The following DRGX variants were observed in gnomAD, a reference collection of about 807,000 sequenced individuals.
DRGX encodes dorsal root ganglia homeobox.
A neutral mutation model predicts 28.6 loss-of-function variants in DRGX; 21 were observed. The ratio of observed to expected loss-of-function variants is 0.73; its 90% confidence interval spans 0.52 to 1.06. The LOEUF is 1.06. Ranked by LOEUF, DRGX falls within the 50% of genes least tolerant of loss-of-function variation. The pLI is 0.00. For synonymous variants in DRGX, 136 were observed against 139.1 expected (o/e 0.98, Z 0.16); for missense variants, 354 against 343.9 (o/e 1.03, Z -0.23).
chr10:49,386,853 C>A lies in DRGX; in HGVS notation c.240G>T (p.Trp80Cys). 6.5e-7 allele frequency: 1 copy of A among 1,549,616 alleles called. No individual in the cohort carries two copies. Among genetic ancestry groups the A allele is most frequent in the Non-Finnish European group, 8.7e-7 (1 of 1,152,938 alleles). Residue 80 changes from tryptophan (W) to cysteine (C), a missense_variant, in exon 5 of 7, where the codon TGG becomes TGT. By Grantham distance (215) the Trp-to-Cys change is radical. Coordinates refer to ENST00000374139, the MANE Select transcript of DRGX (RefSeq NM_001276451.2). The part of the protein sequence containing the change: ...INLTEARVQV[W>C]FQNRRAKWRK... ...TCCATTTGGCCCTTCTGTTCTGGAA[C>A]CAAACCTGAATCCCAGATGGAAACA...
At chr10:49,394,681 C>T (rs926541063) in intron 2 of DRGX, among the ~76,000 whole-genome samples, 1 of 152,230 alleles carries the variant, frequency 6.6e-6, no homozygotes, top group Non-Finnish European at 1.5e-5. Flanking sequence ...CACGCCCCCA[C>T]TAACAACTGG....
chr10:49,378,872 T>C (rs980780203), intron 6 of DRGX, among the ~76,000 whole-genome samples: 5 of 152,140 alleles, frequency 3.3e-5, no homozygotes, highest in African/African-American at 1.2e-4. Context: ...TGTGTGTATA[T>C]GCATGTGTGT....
chr10:49,382,357 C>A (rs1333046366), intron 6 of DRGX, among the ~76,000 whole-genome samples: 2 of 152,160 alleles, frequency 1.3e-5, no homozygotes, highest in Non-Finnish European at 2.9e-5. Flanking sequence ...CCTTCTAGCA[C>A]CAGCATGCAT....
intron 6 of DRGX, among the ~76,000 whole-genome samples, chr10:49,373,729 A>G (rs1849688836): frequency 6.6e-6 from 1 of 152,182 alleles, no homozygotes; most frequent in South Asian, 2.1e-4. Context: ...ATAAATTTCC[A>G]TTGTTTATAA....
intron 2 of DRGX, among the ~76,000 whole-genome samples, chr10:49,394,156 A>C (rs1849940689): frequency 6.6e-6 from 1 of 152,194 alleles, no homozygotes; most frequent in Non-Finnish European, 1.5e-5. Flanking sequence ...ATAAAATGTG[A>C]AATGCAGGCA....
chr10:49,391,951 C>A, intron 2 of DRGX: 1 of 460,516 alleles, frequency 2.2e-6, no homozygotes. Context: ...CAAGGCCACT[C>A]TCAAAGGGCA....
intron 4 of DRGX, among the ~76,000 whole-genome samples, chr10:49,389,687 C>T (rs948832716): frequency 6.6e-6 from 1 of 152,160 alleles, no homozygotes; most frequent in Non-Finnish European, 1.5e-5. Context: ...AGTCTGAGGG[C>T]AGGGGAAAAG....
intron 6 of DRGX, among the ~76,000 whole-genome samples, chr10:49,375,739 A>G (rs989360819): frequency 6.6e-6 from 1 of 152,110 alleles, no homozygotes; most frequent in African/African-American, 2.4e-5. Context: ...ATGTCTCTGC[A>G]GGGTCAAACA....
intron 6 of DRGX, among the ~76,000 whole-genome samples, chr10:49,384,904 G>C (rs1357013365): frequency 6.6e-6 from 1 of 152,228 alleles, no homozygotes; most frequent in Non-Finnish European, 1.5e-5. Flanking sequence ...GGCCAGAGTA[G>C]GGCGAGCGAC....
At chr10:49,383,933 A>C (rs1017909475) in intron 6 of DRGX, among the ~76,000 whole-genome samples, 1 of 152,236 alleles carries the variant, frequency 6.6e-6, no homozygotes, top group African/African-American at 2.4e-5. Context: ...GAATACTTCA[A>C]ATATAAATAC....
intron 6 of DRGX, among the ~76,000 whole-genome samples, chr10:49,375,375 GAA>G (rs995663720): frequency 1.9e-4 from 29 of 152,198 alleles, no homozygotes; most frequent in African/African-American, 6.8e-4. Context: ...AAAGGAGAGA[GAA>G]TCTATCTTTC....
At chr10:49,367,185 A>T (rs1272238111) in intron 6 of DRGX, among the ~76,000 whole-genome samples, 1 of 152,110 alleles carries the variant, frequency 6.6e-6, no homozygotes, top group Non-Finnish European at 1.5e-5. Flanking sequence ...GTGAGACCCT[A>T]TCGCTACAAA....
intron 6 of DRGX, among the ~76,000 whole-genome samples, chr10:49,371,442 C>T (rs1259034872): frequency 6.6e-6 from 1 of 152,012 alleles, no homozygotes; most frequent in African/African-American, 2.4e-5. Context: ...CGCTTGAGCC[C>T]AGGAGTTTTG....
chr10:49,382,624 G>A (rs1849788991), intron 6 of DRGX, among the ~76,000 whole-genome samples: 1 of 152,156 alleles, frequency 6.6e-6, no homozygotes, highest in South Asian at 2.1e-4. Context: ...GGAGAAGACT[G>A]GGCTGCAAGA....
chr10:49,376,174 C>G (rs1407737666), intron 6 of DRGX, among the ~76,000 whole-genome samples: 1 of 152,174 alleles, frequency 6.6e-6, no homozygotes, highest in Non-Finnish European at 1.5e-5. Flanking sequence ...CTCCAGGCCT[C>G]AGGTTCCCCC....
At chr10:49,387,675 AAAG>A (rs1482493900) in intron 4 of DRGX, among the ~76,000 whole-genome samples, 1 of 151,418 alleles carries the variant, frequency 6.6e-6, no homozygotes, top group Non-Finnish European at 1.5e-5. Flanking sequence ...AAAAAAAAAA[AAAG>A]ACAGAAAGAA....
At chr10:49,383,585 C>T (rs758432941) in intron 6 of DRGX, among the ~76,000 whole-genome samples, 15 of 152,256 alleles carry the variant, frequency 9.9e-5, no homozygotes, top group East Asian at 1.9e-4. Flanking sequence ...GAAATTGTTA[C>T]GGACAGAATG....
At chr10:49,392,886 T>C (rs574966556) in intron 2 of DRGX, among the ~76,000 whole-genome samples, 37 of 152,354 alleles carry the variant, frequency 2.4e-4, no homozygotes, top group African/African-American at 7.7e-4. Context: ...AATATTATTT[T>C]CAACATTTTG....
chr10:49,386,336 G>A, intron 6 of DRGX, 142 bp downstream of exon 6: 4 of 658,134 alleles, frequency 6.1e-6, no homozygotes, highest in East Asian at 5.6e-5. Flanking sequence ...CAGCACCAGT[G>A]GCCCTGGCTG....
Sources: allele counts gnomAD v4.1 joint callset (sites outside exome capture counted in the v4.1 genomes callset), GRCh38; gene constraint gnomAD v4.1.1; transcripts MANE v1.5; gene names NCBI Gene and HGNC (gene_info 2026-07-23, HGNC 2026-07-21).